GMDS: variants seen among roughly 807,000 people sequenced by gnomAD.
GMDS encodes GDP-mannose 4,6-dehydratase.
A neutral mutation model predicts 49.9 loss-of-function variants in GMDS; 20 were observed. The ratio of observed to expected loss-of-function variants is 0.40; its 90% confidence interval spans 0.28 to 0.58. The LOEUF is 0.58. Ranked by LOEUF, GMDS falls within the 20% of genes least tolerant of loss-of-function variation. The pLI, the probability that GMDS is intolerant of heterozygous loss-of-function variation, is 0.42. For synonymous variants in GMDS, 177 were observed against 178.6 expected (o/e 0.99, Z 0.07); for missense variants, 362 against 481.4 (o/e 0.75, Z 2.32).
intron 7 of GMDS, among the ~76,000 whole-genome samples, chr6:1,897,768 T>C (rs993200208): frequency 6.6e-6 from 1 of 152,228 alleles, no homozygotes; most frequent in Non-Finnish European, 1.5e-5. Context: ...TTCTTCTAGC[T>C]ACCTCTATGT....
intron 1 of GMDS, among the ~76,000 whole-genome samples, chr6:2,228,424 G>A (rs234935): frequency 0.031 from 4,777 of 152,182 alleles, 273 homozygotes; most frequent in African/African-American, 0.11. Flanking sequence ...AGCTGAGCCC[G>A]TTTTTTAAAC....
In GMDS at chr6:2,229,590, T is replaced by A. The variant is rs574015844; in HGVS notation, c.102+15731A>T. Among the ~76,000 whole-genome samples the A allele has an allele frequency of 6.6e-5, 10 of 151,792 alleles. No individual in the cohort carries two copies. The East Asian group carries it at 1.6e-3, about 24-fold the overall frequency. Reference sequence around the variant, plus strand: ...AAGAGCAAGACAAAAAAAAAGTAAATTTGCCTGTGACACCCAGTGAGTACT... The same window carrying A: ...AAGAGCAAGACAAAAAAAAAGTAAAATTGCCTGTGACACCCAGTGAGTACT... On this transcript the variant is annotated intron_variant, in intron 1 of 10. Transcript: ENST00000380815.
At position 1,752,803 on chromosome 6, in the gene GMDS, A is replaced by G. The variant is rs1206493836; in HGVS notation, c.772-10217T>C. 3.9e-5 allele frequency among the ~76,000 whole-genome samples: 6 copies of G among 152,234 alleles called. No individual in the cohort carries two copies. In the East Asian group the frequency reaches 1.2e-3, roughly 29 times the overall value. On this transcript the variant is annotated intron_variant, in intron 7 of 10. Transcript: ENST00000380815. ...CCAAAGTAAGCTTCAAAAGCGAAGGAGAAATGAAATCCTTTACAGACAAGC... is the reference window on the plus strand; with the variant it reads ...CCAAAGTAAGCTTCAAAAGCGAAGGGGAAATGAAATCCTTTACAGACAAGC...
intron 7 of GMDS, among the ~76,000 whole-genome samples, chr6:1,896,835 G>A (rs1022246845): frequency 9.9e-5 from 15 of 152,252 alleles, no homozygotes; most frequent in African/African-American, 2.6e-4. Flanking sequence ...GTCTTTTTCC[G>A]GTTAAGATAA....
At chr6:1,873,362 C>T (rs1433413400) in intron 7 of GMDS, among the ~76,000 whole-genome samples, 7 of 152,180 alleles carry the variant, frequency 4.6e-5, no homozygotes, top group African/African-American at 1.7e-4. Flanking sequence ...ATCCTTAATT[C>T]CATCGCCAAC....
chr6:1,705,314 A>G (rs1765693015), intron 9 of GMDS, among the ~76,000 whole-genome samples: 1 of 152,242 alleles, frequency 6.6e-6, no homozygotes. Flanking sequence ...TGATGGGCAC[A>G]AAACACACAG....
intron 7 of GMDS, among the ~76,000 whole-genome samples, chr6:1,883,542 T>C (rs1042231023): frequency 1.3e-5 from 2 of 152,268 alleles, no homozygotes; most frequent in South Asian, 4.1e-4. Flanking sequence ...ACATATATTA[T>C]AAAATCATAG....
intron 7 of GMDS, among the ~76,000 whole-genome samples, chr6:1,757,568 T>C (rs1767994614): frequency 6.6e-6 from 1 of 152,204 alleles, no homozygotes; most frequent in Non-Finnish European, 1.5e-5. Flanking sequence ...GACCTTTCTA[T>C]GACCTTATTC....
intron 9 of GMDS, among the ~76,000 whole-genome samples, chr6:1,693,285 A>C (rs978301386): frequency 4.6e-5 from 7 of 152,186 alleles, no homozygotes; most frequent in African/African-American, 1.4e-4. Flanking sequence ...GCTGATCAGC[A>C]CTGCCCTGAC....
intron 1 of GMDS, among the ~76,000 whole-genome samples, chr6:2,184,187 C>G (rs1778677459): frequency 6.6e-6 from 1 of 152,124 alleles, no homozygotes; most frequent in Non-Finnish European, 1.5e-5. Flanking sequence ...TTATCCAATC[C>G]TCCAACATCT....
At chr6:2,138,856 T>C (rs1277721800) in intron 1 of GMDS, among the ~76,000 whole-genome samples, 1 of 152,242 alleles carries the variant, frequency 6.6e-6, no homozygotes, top group Admixed American at 6.5e-5. Context: ...TCATTTTCTT[T>C]ACATTTTTTA....
At chr6:2,117,598 C>G in intron 2 of GMDS, 42 bp from the exon 3 acceptor site, 1 of 960,636 alleles carries the variant, frequency 1.0e-6, no homozygotes, top group South Asian at 1.3e-5. Flanking sequence ...GCAATGAGGA[C>G]TAATAAACAA....
At chr6:2,233,820 A>AT (rs1168501272) in intron 1 of GMDS, among the ~76,000 whole-genome samples, 2 of 152,158 alleles carry the variant, frequency 1.3e-5, no homozygotes, top group Non-Finnish European at 2.9e-5. Flanking sequence ...GGGAGACTCC[A>AT]TCTCGAAAAA....
chr6:2,012,109 G>T (rs1204931595), intron 4 of GMDS, among the ~76,000 whole-genome samples: 1 of 151,968 alleles, frequency 6.6e-6, no homozygotes, highest in Non-Finnish European at 1.5e-5. Context: ...TCACAGACTT[G>T]GAAGGGCAGG....
chr6:2,055,355 CA>C (rs2127441285), intron 4 of GMDS, among the ~76,000 whole-genome samples: 2 of 152,088 alleles, frequency 1.3e-5, no homozygotes, highest in East Asian at 3.9e-4. Flanking sequence ...CAGCAAATCC[CA>C]AACAGGATAA....
intron 7 of GMDS, among the ~76,000 whole-genome samples, chr6:1,910,609 C>G (rs1488612068): frequency 1.3e-5 from 2 of 152,048 alleles, no homozygotes; most frequent in Non-Finnish European, 2.9e-5. Flanking sequence ...TTGTAGGAGG[C>G]CAGGCAGCAG....
At chr6:1,984,250 C>G (rs1261098820) in intron 4 of GMDS, among the ~76,000 whole-genome samples, 1 of 152,014 alleles carries the variant, frequency 6.6e-6, no homozygotes, top group Admixed American at 6.6e-5. Flanking sequence ...GGGAGAGCAT[C>G]GGGAAGAATA....
intron 7 of GMDS, among the ~76,000 whole-genome samples, chr6:1,813,245 AAAAC>A: frequency 6.6e-6 from 1 of 151,254 alleles, no homozygotes; most frequent in African/African-American, 2.4e-5. Flanking sequence ...AAAAAAAAAA[AAAAC>A]CTTAATTAAA....
intron 9 of GMDS, among the ~76,000 whole-genome samples, chr6:1,708,477 C>T (rs1765819716): frequency 6.6e-6 from 1 of 152,202 alleles, no homozygotes; most frequent in Non-Finnish European, 1.5e-5. Context: ...GTCTGAACTG[C>T]CCGGGGCTAA....
Sources: allele counts gnomAD v4.1 joint callset (sites outside exome capture counted in the v4.1 genomes callset), GRCh38; gene constraint gnomAD v4.1.1; transcripts MANE v1.5; gene names NCBI Gene and HGNC (gene_info 2026-07-23, HGNC 2026-07-21).